Variants in PDK1 observed in about 807,000 individuals in gnomAD.
PDK1 encodes the protein [Pyruvate dehydrogenase (acetyl-transferring)] kinase isozyme 1, mitochondrial.
PDK1 carries 39 observed loss-of-function variants against 54.2 expected under a neutral mutation model. That is an observed-to-expected ratio of 0.72 (90% CI 0.56 to 0.94). The LOEUF is 0.94. PDK1 is among the 40% of genes least tolerant of loss of function. The pLI, the probability that PDK1 is intolerant of heterozygous loss-of-function variation, is 0.00. For missense variants in PDK1, 552 were observed against 566.0 expected (o/e 0.98, Z 0.25); for synonymous variants, 221 against 207.1 (o/e 1.07, Z -0.58).
chr2:172,709,225 G>T, the PDK1 span, among the ~76,000 whole-genome samples: 7 of 152,092 alleles, frequency 4.6e-5, no homozygotes, highest in South Asian at 1.5e-3. Context: ...CTAGCCTCTC[G>T]TCTTGTGGGA....
chr2:172,641,448 T>A, the PDK1 span, among the ~76,000 whole-genome samples: 1 of 151,168 alleles, frequency 6.6e-6, no homozygotes, highest in South Asian at 2.1e-4. Context: ...TCCATTTTTT[T>A]TTTTTTTTTT....
chr2:172,617,530 G>A, the PDK1 span, among the ~76,000 whole-genome samples: 1 of 152,078 alleles, frequency 6.6e-6, no homozygotes, highest in East Asian at 1.9e-4. Flanking sequence ...ATGGCACCTA[G>A]AACACTGTGT....
At chr2:172,684,076 G>A in the PDK1 span, among the ~76,000 whole-genome samples, 1 of 152,192 alleles carries the variant, frequency 6.6e-6, no homozygotes, top group Non-Finnish European at 1.5e-5. Flanking sequence ...TTTTTGATAG[G>A]GAGGAGAGAA....
the PDK1 span, among the ~76,000 whole-genome samples, chr2:172,643,217 C>A: frequency 6.6e-6 from 1 of 152,178 alleles, no homozygotes; most frequent in Non-Finnish European, 1.5e-5. Context: ...GACATTGGGG[C>A]TGAAAAGGTG....
the PDK1 span, among the ~76,000 whole-genome samples, chr2:172,622,655 G>GTGAGATATGTTTATATCTCATA: frequency 7.1e-6 from 1 of 140,388 alleles, no homozygotes; most frequent in African/African-American, 2.6e-5. Flanking sequence ...TATATCTCAT[G>GTGAGATATGTTTATATCTCATA]TGAGATATGT....
At chr2:172,690,239 C>T in the PDK1 span, among the ~76,000 whole-genome samples, 2 of 150,520 alleles carry the variant, frequency 1.3e-5, no homozygotes, top group Non-Finnish European at 1.5e-5. Flanking sequence ...AGCCAACAGA[C>T]ACATGAAAAA....
chr2:172,584,390 G>T (rs531214054), intron 8 of PDK1, among the ~76,000 whole-genome samples: 2 of 148,812 alleles, frequency 1.3e-5, no homozygotes, highest in African/African-American at 2.5e-5. Flanking sequence ...TTTGTTTGTT[G>T]GTTGGTTTTT....
chr2:172,618,409 A>G, the PDK1 span, among the ~76,000 whole-genome samples: 1 of 152,264 alleles, frequency 6.6e-6, no homozygotes, highest in African/African-American at 2.4e-5. Context: ...TGTTTGGACA[A>G]TGATGGCAAC....
At chr2:172,583,540 G>A (rs910226586) in intron 8 of PDK1, among the ~76,000 whole-genome samples, 4 of 151,442 alleles carry the variant, frequency 2.6e-5, no homozygotes, top group South Asian at 2.1e-4. Flanking sequence ...GTGATTCGCC[G>A]GCCTTGCCTC....
the PDK1 span, among the ~76,000 whole-genome samples, chr2:172,635,969 C>T: frequency 6.6e-6 from 1 of 152,244 alleles, no homozygotes; most frequent in Non-Finnish European, 1.5e-5. Flanking sequence ...CTAGGCTCTC[C>T]TCTGGCTCCT....
At position 172,568,969 on chromosome 2, in the gene PDK1, A is replaced by G. The variant is rs1378680313; in HGVS notation, c.846+152A>G. ...ATTGCTGGAGATCAGCTTTTTATCA[A>G]CACAGGGAGACATCTCCATGTAGTG... On this transcript the variant is annotated intron_variant, in intron 7 of 10. Transcript: ENST00000282077. 7 of 619,222 alleles carry G rather than the reference A, an allele frequency of 1.1e-5. No individual in the cohort carries two copies. In the South Asian group the frequency reaches 1.2e-4, roughly 10 times the overall value. The allele number at this position is 619,222 out of a possible 1,614,324, so 38.4% of individuals were successfully genotyped here.
intron 3 of PDK1, chr2:172,564,190 G>C: frequency 4.2e-6 from 2 of 477,878 alleles, no homozygotes. Flanking sequence ...CTTAGCCAGT[G>C]CTCAGATGAC....
chr2:172,618,716 G>A, the PDK1 span, among the ~76,000 whole-genome samples: 21 of 152,202 alleles, frequency 1.4e-4, no homozygotes, highest in East Asian at 1.3e-3. Flanking sequence ...GTTTGGGAGA[G>A]TTCTTAGAAA....
the PDK1 span, among the ~76,000 whole-genome samples, chr2:172,613,912 G>C: frequency 1.3e-5 from 2 of 152,002 alleles, no homozygotes; most frequent in Non-Finnish European, 2.9e-5. Flanking sequence ...AACTGCAGCT[G>C]TGGATCCAAG....
the PDK1 span, among the ~76,000 whole-genome samples, chr2:172,622,821 A>G: frequency 6.8e-6 from 1 of 147,452 alleles, no homozygotes; most frequent in African/African-American, 2.5e-5. Flanking sequence ...ATATGTTTAT[A>G]TATTATATGT....
At chr2:172,626,467 C>A in the PDK1 span, among the ~76,000 whole-genome samples, 1 of 152,120 alleles carries the variant, frequency 6.6e-6, no homozygotes, top group African/African-American at 2.4e-5. Context: ...TCCATATAGA[C>A]ACAATTTGCA....
At chr2:172,706,489 A>G in the PDK1 span, among the ~76,000 whole-genome samples, 1 of 151,836 alleles carries the variant, frequency 6.6e-6, no homozygotes, top group South Asian at 2.1e-4. Context: ...CAGTGGCACA[A>G]TCTCGGCTCA....
chr2:172,680,944 C>T, the PDK1 span, among the ~76,000 whole-genome samples: 1 of 152,196 alleles, frequency 6.6e-6, no homozygotes, highest in Non-Finnish European at 1.5e-5. Flanking sequence ...TGACTGTTGG[C>T]TCATTCCTTA....
chr2:172,669,694 A>G, the PDK1 span, among the ~76,000 whole-genome samples: 2 of 152,164 alleles, frequency 1.3e-5, no homozygotes, highest in Non-Finnish European at 2.9e-5. Context: ...GGTAATAGCA[A>G]ATTTAATAGA....
Sources: gnomAD v4.1 joint callset for allele counts (sites outside exome capture counted in the v4.1 genomes callset) on GRCh38, gnomAD v4.1.1 for gene constraint, MANE v1.5 for transcripts, NCBI Gene and HGNC (gene_info 2026-07-23, HGNC 2026-07-21) for gene names.